PRMT3: variants seen among roughly 807,000 people sequenced by gnomAD.
PRMT3 encodes protein arginine methyltransferase 3.
A neutral mutation model predicts 71.9 loss-of-function variants in PRMT3; 62 were observed. That is an observed-to-expected ratio of 0.86 (90% CI 0.70 to 1.07). The LOEUF is 1.07. Ranked by LOEUF, PRMT3 falls within the 50% of genes least tolerant of loss-of-function variation. PRMT3 has a pLI of 0.00. For missense variants in PRMT3, 663 were observed against 643.0 expected (o/e 1.03, Z -0.34); for synonymous variants, 213 against 220.4 (o/e 0.97, Z 0.30).
chr11:20,492,976 C>T (rs1391690891), intron 13 of PRMT3, among the ~76,000 whole-genome samples: 1 of 151,844 alleles, frequency 6.6e-6, no homozygotes, highest in Non-Finnish European at 1.5e-5. Context: ...CACGGTGAAA[C>T]CCCGTCTCTA....
rs370705460 is a variant in PRMT3 at position 20,435,111 on chromosome 11, C to T, written c.993+8246C>T. Reference sequence around the variant, plus strand: ...GCTTTTGAGATCATCTCCACAAAATCTTTGCCCAGACTAATGTCCTGAAGC... The same window carrying T: ...GCTTTTGAGATCATCTCCACAAAATTTTTGCCCAGACTAATGTCCTGAAGC... On this transcript the variant is annotated intron_variant, in intron 10 of 15. Transcript: ENST00000331079. Among the ~76,000 whole-genome samples the T allele has an allele frequency of 1.2e-4, 19 of 152,262 alleles. No homozygotes were observed. The East Asian group carries it at 2.5e-3, about 20-fold the overall frequency.
At chr11:20,426,682 A>G (rs1175284707) in intron 9 of PRMT3, 84 bp from the exon 10 acceptor site, 1 of 1,270,248 alleles carries the variant, frequency 7.9e-7, no homozygotes, top group African/African-American at 1.6e-5. Context: ...ACAAAACAAT[A>G]CGAGTTGTTG....
In PRMT3 at chr11:20,387,918, CG is replaced by C; in HGVS notation, c.29-98del. 6.3e-7 allele frequency: 1 copy of C among 1,577,186 alleles called. No individual in the cohort carries two copies. Among genetic ancestry groups the C allele is most frequent in the Non-Finnish European group, 8.6e-7 (1 of 1,160,416 alleles). On this transcript the variant is annotated intron_variant, in intron 1 of 15. Transcript: ENST00000331079. The surrounding 1 kb of genome is among the most constrained non-coding windows in gnomAD (Gnocchi z 4.3). ...TGAAGGAGGTGCTGAGTGAGGGCCGCGGGCGAACGGGGCGGAGGAGAGCCCA... is the reference window on the plus strand; with the variant it reads ...TGAAGGAGGTGCTGAGTGAGGGCCGCGGCGAACGGGGCGGAGGAGAGCCCA...
chr11:20,497,782 A>G (rs1851366297), intron 15 of PRMT3, among the ~76,000 whole-genome samples: 1 of 152,192 alleles, frequency 6.6e-6, no homozygotes, highest in African/African-American at 2.4e-5. Flanking sequence ...CAAGGGGTTC[A>G]CGTTTCTAGC....
Position 20,394,436 on chromosome 11 carries a change from G to A in PRMT3, c.401-1367G>A, listed in dbSNP as rs989926104. Among the ~76,000 whole-genome samples the A allele has an allele frequency of 3.9e-5, 6 of 151,934 alleles. No individual in the cohort carries two copies. In the South Asian group the frequency reaches 6.2e-4, roughly 16 times the overall value. Reference sequence around the variant, plus strand: ...TAGAATTCTTTACACGCTGTCCTTAGGAATGTTTTTTTTTTCCTCCAGTTT... The same window carrying A: ...TAGAATTCTTTACACGCTGTCCTTAAGAATGTTTTTTTTTTCCTCCAGTTT... On this transcript the variant is annotated intron_variant, in intron 5 of 15. Coordinates refer to ENST00000331079, the MANE Select transcript of PRMT3 (RefSeq NM_005788.4).
At chr11:20,410,575 A>G (rs1441240001) in intron 9 of PRMT3, among the ~76,000 whole-genome samples, 2 of 152,120 alleles carry the variant, frequency 1.3e-5, no homozygotes, top group Non-Finnish European at 2.9e-5. Context: ...TTATTTAAAG[A>G]TATTCACAGT....
chr11:20,494,120 T>G, intron 14 of PRMT3, 47 bp from the exon 15 acceptor site: 1 of 1,529,602 alleles, frequency 6.5e-7, no homozygotes, highest in Admixed American at 1.7e-5. Flanking sequence ...ACCATGATAT[T>G]AAAAATCTTG....
intron 15 of PRMT3, among the ~76,000 whole-genome samples, chr11:20,502,378 G>A (rs1021667703): frequency 6.6e-6 from 1 of 152,180 alleles, no homozygotes; most frequent in Non-Finnish European, 1.5e-5. Context: ...TAACTTAAAT[G>A]ATTGTGTGTG....
At chr11:20,388,777 G>A (rs1484655025) in intron 2 of PRMT3, among the ~76,000 whole-genome samples, 2 of 152,262 alleles carry the variant, frequency 1.3e-5, no homozygotes, top group African/African-American at 2.4e-5. Flanking sequence ...AAGCTGTGGT[G>A]TGCTTATTTC....
chr11:20,496,095 C>G (rs1415117342), intron 15 of PRMT3, among the ~76,000 whole-genome samples: 1 of 152,300 alleles, frequency 6.6e-6, no homozygotes, highest in East Asian at 1.9e-4. Context: ...TCTAAACAGT[C>G]TCTCCCACAA....
chr11:20,489,610 A>T (rs1851160675), intron 13 of PRMT3, among the ~76,000 whole-genome samples: 1 of 152,172 alleles, frequency 6.6e-6, no homozygotes, highest in Admixed American at 6.6e-5. Flanking sequence ...GTAATTGAAA[A>T]TAGTGGCATG....
At chr11:20,412,015 A>C (rs747797148) in intron 9 of PRMT3, among the ~76,000 whole-genome samples, 32 of 152,150 alleles carry the variant, frequency 2.1e-4, no homozygotes, top group Middle Eastern at 6.3e-3. Context: ...ACAGTGTGGA[A>C]ATTGAACAAG....
rs57201745 is a variant in PRMT3 at position 20,504,707 on chromosome 11, TGAGAGAGAGAGAGA to T, written c.1487-3571_1487-3558del. Among the ~76,000 whole-genome samples the T allele has an allele frequency of 5.7e-3, 762 of 133,644 alleles. 7 individuals are homozygous for T. Among genetic ancestry groups the T allele is most frequent in the Admixed American group, 9.2e-3 (122 of 13,222 alleles). 87.7% of individuals were successfully genotyped at this position (133,644 alleles called of 152,430 possible). The stretch of plus-strand genomic sequence containing the variant: ...TATTGTATGTGTGTGTGTGTGTGTG[TGAGAGAGAGAGAGA>T]GAGAGAGAGAGAGAGAGAGAGAGAG... On this transcript the variant is annotated intron_variant, in intron 15 of 15. Transcript: ENST00000331079.
chr11:20,472,869 GGGGTGGA>G (rs914346709), intron 13 of PRMT3, among the ~76,000 whole-genome samples: 3 of 150,958 alleles, frequency 2.0e-5, no homozygotes, highest in Non-Finnish European at 4.4e-5. Flanking sequence ...TGGAGGGTGG[GGGGTGGA>G]GGGTGGGGAG....
At chr11:20,431,815 G>A (rs777573533) in intron 10 of PRMT3, among the ~76,000 whole-genome samples, 2 of 152,058 alleles carry the variant, frequency 1.3e-5, no homozygotes, top group African/African-American at 4.8e-5. Context: ...TCAGTTTGCT[G>A]CCTTGGAAAC....
chr11:20,477,695 T>C (rs751769581), intron 13 of PRMT3, among the ~76,000 whole-genome samples: 1 of 152,138 alleles, frequency 6.6e-6, no homozygotes, highest in African/African-American at 2.4e-5. Flanking sequence ...ACAAATACCT[T>C]CTTCTTTCTA....
At chr11:20,506,350 C>G (rs1851590329) in intron 15 of PRMT3, among the ~76,000 whole-genome samples, 2 of 152,102 alleles carry the variant, frequency 1.3e-5, no homozygotes, top group Non-Finnish European at 2.9e-5. Flanking sequence ...AGGAATAGGT[C>G]AGATATAAAA....
chr11:20,500,986 C>T (rs1252463206), intron 15 of PRMT3, among the ~76,000 whole-genome samples: 1 of 152,142 alleles, frequency 6.6e-6, no homozygotes, highest in African/African-American at 2.4e-5. Context: ...TTTCACAACC[C>T]CAGGTAAGCT....
chr11:20,473,802 G>A (rs551125487), intron 13 of PRMT3, among the ~76,000 whole-genome samples: 1 of 152,284 alleles, frequency 6.6e-6, no homozygotes, highest in East Asian at 1.9e-4. Context: ...TGCTGGAGAG[G>A]TGTTGCAGTC....
Sources: allele counts gnomAD v4.1 joint callset (sites outside exome capture counted in the v4.1 genomes callset), GRCh38; gene constraint gnomAD v4.1.1; non-coding constraint Gnocchi (gnomAD v3.1); transcripts MANE v1.5; gene names NCBI Gene and HGNC (gene_info 2026-07-23, HGNC 2026-07-21).